The following RAB11FIP4 variants were observed in gnomAD, a reference collection of about 807,000 sequenced individuals.
RAB11FIP4 encodes rab11 family-interacting protein 4.
A neutral mutation model predicts 74.3 loss-of-function variants in RAB11FIP4; 23 were observed. The ratio of observed to expected loss-of-function variants is 0.31; its 90% CI spans 0.22 to 0.44. RAB11FIP4 has a LOEUF of 0.44. RAB11FIP4 is among the 20% of genes least tolerant of loss of function. The pLI is 1.00. For synonymous variants in RAB11FIP4, 360 were observed against 359.9 expected (o/e 1.00, Z 0.00); for missense variants, 630 against 863.9 (o/e 0.73, Z 3.39).
rs376243281 is a variant in RAB11FIP4, at chr17:31,528,625, C to G, written c.1500C>G (p.Ile500Met). Residue 500 changes from isoleucine to methionine, a missense_variant, in exon 13 of 15, where the codon ATC (isoleucine) becomes ATG (methionine). Ile to Met is a conservative substitution (Grantham distance 10). Coordinates refer to ENST00000621161, the MANE Select transcript of RAB11FIP4 (RefSeq NM_032932.6). ...CCTGCTTCTCTCCCTCGCAGCTCAT[C>G]GAGGACTTGCGGAAGGAGCTGGAGC... ...QKEREATQEL[I>M]EDLRKELEHL... 6.2e-7 allele frequency: 1 copy of G among 1,613,486 alleles called. No individual in the cohort carries two copies. The highest frequency in any genetic ancestry group is 8.5e-7 in the Non-Finnish European group (1 of 1,179,796).
intron 3 of RAB11FIP4, among the ~76,000 whole-genome samples, chr17:31,487,044 G>A (rs11657523): frequency 0.37 from 56,186 of 152,012 alleles, 11,331 homozygotes; most frequent in Middle Eastern, 0.47. Context: ...TGCCCCACTG[G>A]TCCTGCCCGT....
chr17:31,401,982 C>G lies in RAB11FIP4; in HGVS notation c.159+9971C>G, dbSNP rs112929630. 3.3e-3 allele frequency among the ~76,000 whole-genome samples: 503 copies of G among 152,276 alleles called. 3 individuals carry two copies. Among genetic ancestry groups the G allele is most frequent in the African/African-American group, 0.011 (469 of 41,542 alleles). On this transcript the variant is annotated intron_variant, in intron 1 of 14. Coordinates refer to ENST00000621161, the MANE Select transcript of RAB11FIP4 (RefSeq NM_032932.6). ...ATCCAACCATCTGCCTGCCGGTTCA[C>G]CTAAGCATCCACTTACCCATCCATC...
chr17:31,481,592 G>A (rs2071850009), intron 3 of RAB11FIP4, among the ~76,000 whole-genome samples: 1 of 152,098 alleles, frequency 6.6e-6, no homozygotes, highest in African/African-American at 2.4e-5. Flanking sequence ...TAACTCTGAT[G>A]TTACCAAGAG....
intron 10 of RAB11FIP4, chr17:31,527,072 G>T (rs769281915): frequency 6.6e-6 from 1 of 152,270 alleles, no homozygotes; most frequent in Non-Finnish European, 1.5e-5. Flanking sequence ...TCAGAGGGAG[G>T]TGCAGTGAGC....
chr17:31,530,197 C>A (rs185636295), intron 13 of RAB11FIP4, 129 bp from the exon 14 acceptor site: 3 of 1,249,552 alleles, frequency 2.4e-6, no homozygotes, highest in Admixed American at 2.0e-5. Flanking sequence ...GCCCCTTGAA[C>A]CAGCCGTGAC....
intron 3 of RAB11FIP4, among the ~76,000 whole-genome samples, chr17:31,456,499 G>A (rs921359374): frequency 1.3e-5 from 2 of 152,188 alleles, no homozygotes; most frequent in African/African-American, 4.8e-5. Context: ...GGGCCACCCT[G>A]CTGGCCCCTA....
rs7213625 is a variant in RAB11FIP4, at chr17:31,534,827, G to A, written c.*3095G>A. The A allele has an allele frequency of 0.018, 2,723 of 154,374 alleles. 89 individuals carry two copies. Among genetic ancestry groups the A allele is most frequent in the African/African-American group, 0.062 (2,577 of 41,576 alleles). The allele number at this position is 154,374 out of a possible 1,614,324, so 9.6% of individuals were successfully genotyped here. A position where few individuals can be genotyped will look rare whatever the true frequency, so the allele number is the denominator to read the frequency against. ...TTTTGGGGGTGGGGCGAGGGTTTCT[G>A]TAGTAGACTCAGATTTTACATGGCC... On this transcript the variant is annotated 3_prime_UTR_variant, in exon 15 of 15. Transcript: ENST00000621161.
At chr17:31,412,844 G>T (rs866011357) in intron 1 of RAB11FIP4, among the ~76,000 whole-genome samples, 1 of 152,222 alleles carries the variant, frequency 6.6e-6, no homozygotes, top group Admixed American at 6.5e-5. Context: ...TGACCAGTGG[G>T]CAGTGAGGTG....
At chr17:31,460,170 G>A (rs1427646145) in intron 3 of RAB11FIP4, among the ~76,000 whole-genome samples, 1 of 152,224 alleles carries the variant, frequency 6.6e-6, no homozygotes, top group Non-Finnish European at 1.5e-5. Flanking sequence ...TCTGGTGGAG[G>A]AGCAAGCACG....
intron 1 of RAB11FIP4, among the ~76,000 whole-genome samples, chr17:31,396,071 C>T (rs980827494): frequency 8.6e-5 from 13 of 151,582 alleles, no homozygotes; most frequent in African/African-American, 2.4e-4. Context: ...GTAATCCCAG[C>T]TAGTTGGGAG....
In RAB11FIP4 at chr17:31,512,285, C is replaced by A. The variant is rs2072466122; in HGVS notation, c.337-5366C>A. Among the ~76,000 whole-genome samples, 1 of 152,156 alleles carries A rather than the reference C, an allele frequency of 6.6e-6. No homozygotes were observed. The highest frequency in any genetic ancestry group is 2.4e-5 in the African/African-American group (1 of 41,438). ...CACGTGTGGCCCCCTAGAGCTGCCACTGAGGTGGAGTTGACTGGCCCCATT... is the reference window on the plus strand; with the variant it reads ...CACGTGTGGCCCCCTAGAGCTGCCAATGAGGTGGAGTTGACTGGCCCCATT... On this transcript the variant is annotated intron_variant, in intron 3 of 14. Coordinates refer to ENST00000621161, the MANE Select transcript of RAB11FIP4 (RefSeq NM_032932.6). The surrounding 1 kb of genome is among the most constrained non-coding windows in gnomAD (Gnocchi z 4.1).
rs539048945 is a variant in RAB11FIP4 at position 31,442,819 on chromosome 17, G to A, written c.336+8697G>A. 2.0e-5 allele frequency among the ~76,000 whole-genome samples: 3 copies of A among 152,274 alleles called. No homozygotes were observed. In the East Asian group the frequency reaches 5.8e-4, roughly 29 times the overall value. On this transcript the variant is annotated intron_variant, in intron 3 of 14. Coordinates refer to ENST00000621161, the MANE Select transcript of RAB11FIP4 (RefSeq NM_032932.6). ...TACTAAAAATACAAAAATTAGCCAG[G>A]CGTGATAGCGCATGCCTGTAATCCC...
intron 1 of RAB11FIP4, among the ~76,000 whole-genome samples, chr17:31,422,274 C>T (rs764384828): frequency 1.1e-4 from 16 of 152,138 alleles, no homozygotes; most frequent in Admixed American, 5.9e-4. Flanking sequence ...ATGAAGAGAA[C>T]GTGTATTCTG....
chr17:31,449,351 T>G (rs2071501965), intron 3 of RAB11FIP4, among the ~76,000 whole-genome samples: 1 of 152,288 alleles, frequency 6.6e-6, no homozygotes, highest in Non-Finnish European at 1.5e-5. Flanking sequence ...CATTCGCTTC[T>G]GGAGCTGACA....
intron 3 of RAB11FIP4, among the ~76,000 whole-genome samples, chr17:31,488,852 G>C (rs1474378348): frequency 6.6e-6 from 1 of 152,196 alleles, no homozygotes; most frequent in African/African-American, 2.4e-5. Context: ...GGTGGGAGCT[G>C]TTGGCACAGC....
chr17:31,505,512 A>ATTT (rs2072311618), intron 3 of RAB11FIP4, among the ~76,000 whole-genome samples: 1 of 60,328 alleles, frequency 1.7e-5, no homozygotes, highest in Non-Finnish European at 3.4e-5. Context: ...TATTATATAT[A>ATTT]ATAATTATAT....
chr17:31,508,664 G>A (rs146765575), intron 3 of RAB11FIP4, among the ~76,000 whole-genome samples: 1,905 of 152,246 alleles, frequency 0.013, 13 homozygotes, highest in Admixed American at 0.023. Flanking sequence ...CACTCGCTTA[G>A]CCCCTCCCTG....
At chr17:31,469,409 C>T (rs2071716870) in intron 3 of RAB11FIP4, among the ~76,000 whole-genome samples, 1 of 151,976 alleles carries the variant, frequency 6.6e-6, no homozygotes, top group Non-Finnish European at 1.5e-5. Flanking sequence ...CACTTGAGCC[C>T]AGGAGTTTGA....
At chr17:31,504,502 A>G in intron 3 of RAB11FIP4, among the ~76,000 whole-genome samples, 1 of 152,166 alleles carries the variant, frequency 6.6e-6, no homozygotes, top group South Asian at 2.1e-4. Flanking sequence ...TCCTGACCTC[A>G]TGATAAGCGC....
Sources: allele counts gnomAD v4.1 joint callset (sites outside exome capture counted in the v4.1 genomes callset), GRCh38; gene constraint gnomAD v4.1.1; non-coding constraint Gnocchi (gnomAD v3.1); transcripts MANE v1.5; gene names NCBI Gene and HGNC (gene_info 2026-07-23, HGNC 2026-07-21).